CHRM3: variants seen among roughly 807,000 people sequenced by gnomAD.
The protein encoded by CHRM3 is muscarinic acetylcholine receptor M3.
A neutral mutation model predicts 41.8 loss-of-function variants in CHRM3; 11 were observed. The ratio of observed to expected loss-of-function variants is 0.26; its 90% CI spans 0.17 to 0.44. CHRM3 has a LOEUF of 0.44. CHRM3 is among the 20% of genes least tolerant of loss of function. The probability of loss-of-function intolerance (pLI) is 1.00; values close to 1 mark genes in which losing one functional copy is unlikely to be tolerated. For synonymous variants in CHRM3, 297 were observed against 301.4 expected (o/e 0.99, Z 0.15); for missense variants, 571 against 745.4 (o/e 0.77, Z 2.72).
intron 5 of CHRM3, among the ~76,000 whole-genome samples, chr1:239,690,674 A>T (rs2147980737): frequency 6.6e-6 from 1 of 152,234 alleles, no homozygotes; most frequent in African/African-American, 2.4e-5. Context: ...ATTTGTCAAA[A>T]TTTACCCCTT....
intron 3 of CHRM3, among the ~76,000 whole-genome samples, chr1:239,567,815 G>C (rs1027636545): frequency 1.3e-5 from 2 of 152,168 alleles, no homozygotes; most frequent in Non-Finnish European, 2.9e-5. Context: ...TGAAGACTGA[G>C]ACCTGGCTTT....
intron 5 of CHRM3, among the ~76,000 whole-genome samples, chr1:239,762,669 T>C (rs1457230449): frequency 2.0e-5 from 3 of 152,202 alleles, no homozygotes; most frequent in Non-Finnish European, 4.4e-5. Flanking sequence ...TCATTAAATT[T>C]GTAGATGATA....
chr1:239,477,430 G>T (rs1199861370), intron 1 of CHRM3, among the ~76,000 whole-genome samples: 3 of 152,152 alleles, frequency 2.0e-5, no homozygotes, highest in Non-Finnish European at 2.9e-5. Context: ...TTCAAGACCT[G>T]GCAAAGCAAA....
chr1:239,789,899 T>C (rs894329746), intron 5 of CHRM3, among the ~76,000 whole-genome samples: 1 of 152,144 alleles, frequency 6.6e-6, no homozygotes, highest in African/African-American at 2.4e-5. Context: ...TTTTGAAGAA[T>C]AGTTAAGATC....
At chr1:239,569,392 T>C (rs1661634440) in intron 3 of CHRM3, among the ~76,000 whole-genome samples, 1 of 152,200 alleles carries the variant, frequency 6.6e-6, no homozygotes, top group African/African-American at 2.4e-5. Context: ...CAACTCATCA[T>C]ATAATGACTC....
rs911736644 is a variant in CHRM3 at position 239,864,149 on chromosome 1, G to A, written c.-20+36771G>A. Among the ~76,000 whole-genome samples, 3 of 152,020 alleles carry A rather than the reference G, an allele frequency of 2.0e-5. No individual in the cohort carries two copies. In the South Asian group the frequency reaches 6.2e-4, roughly 32 times the overall value. On this transcript the variant is annotated intron_variant, in intron 6 of 6. Coordinates refer to ENST00000676153, the MANE Select transcript of CHRM3 (RefSeq NM_001375978.1). ...CATCCCAGCTACTTAGGAGGCCGAG[G>A]AAAGAGGCTAGTCCAGGAGGCAACA...
chr1:239,772,482 A>G (rs2148736418), intron 5 of CHRM3, among the ~76,000 whole-genome samples: 1 of 152,202 alleles, frequency 6.6e-6, no homozygotes, highest in Non-Finnish European at 1.5e-5. Flanking sequence ...TTTTTACATG[A>G]TTGTGTATTA....
intron 5 of CHRM3, among the ~76,000 whole-genome samples, chr1:239,803,315 C>A (rs1369940533): frequency 6.6e-6 from 1 of 152,126 alleles, no homozygotes; most frequent in African/African-American, 2.4e-5. Context: ...TTCCTTAGAG[C>A]ACATTCTACA....
chr1:239,761,818 A>C (rs1416275647), intron 5 of CHRM3, among the ~76,000 whole-genome samples: 7 of 152,182 alleles, frequency 4.6e-5, no homozygotes, highest in Non-Finnish European at 1.0e-4. Flanking sequence ...TGCACCGGAC[A>C]GATGTCTGGA....
At chr1:239,604,042 G>A (rs1665935198) in intron 3 of CHRM3, among the ~76,000 whole-genome samples, 1 of 152,088 alleles carries the variant, frequency 6.6e-6, no homozygotes, top group Admixed American at 6.5e-5. Flanking sequence ...TTCATAAAAT[G>A]TGTATTTACA....
chr1:239,471,164 A>G (rs1666093864), intron 1 of CHRM3, among the ~76,000 whole-genome samples: 2 of 152,218 alleles, frequency 1.3e-5, no homozygotes, highest in Admixed American at 1.3e-4. Context: ...ATGAATCACT[A>G]ATTTTCTTTT....
chr1:239,682,029 G>A (rs903097805), intron 5 of CHRM3, among the ~76,000 whole-genome samples: 2 of 152,152 alleles, frequency 1.3e-5, no homozygotes, highest in Admixed American at 1.3e-4. Context: ...GCCCGTGCAG[G>A]GCTGTTCTGT....
chr1:239,605,529 G>A (rs1228778812), intron 3 of CHRM3, among the ~76,000 whole-genome samples: 1 of 152,084 alleles, frequency 6.6e-6, no homozygotes, highest in African/African-American at 2.4e-5. Flanking sequence ...AAGCATGACT[G>A]TACAGAAATG....
At chr1:239,617,981 C>T (rs1054006643) in intron 3 of CHRM3, among the ~76,000 whole-genome samples, 3 of 152,084 alleles carry the variant, frequency 2.0e-5, no homozygotes, top group Admixed American at 2.0e-4. Context: ...TCCTGCTCAT[C>T]CTGTATCTTA....
At position 239,914,428 on chromosome 1, in the gene CHRM3, T is replaced by C. The variant is rs1262628517; in HGVS notation, c.*5204T>C. On this transcript the variant is annotated 3_prime_UTR_variant, in exon 7 of 7. Coordinates refer to ENST00000676153, the MANE Select transcript of CHRM3 (RefSeq NM_001375978.1). ...CTACTGTAGTCAGGAGTTATTTGGC[T>C]GGGAAGTGGAAAGTGTTCACAAACA... The C allele has an allele frequency of 1.2e-5, 2 of 167,090 alleles. No homozygotes were observed. Among genetic ancestry groups the C allele is most frequent in the Non-Finnish European group, 2.9e-5 (2 of 68,124 alleles). 10.4% of individuals were successfully genotyped at this position (167,090 alleles called of 1,614,324 possible). A position where few individuals can be genotyped will look rare whatever the true frequency, so the allele number is the denominator to read the frequency against.
intron 5 of CHRM3, among the ~76,000 whole-genome samples, chr1:239,719,311 A>G (rs1479109929): frequency 2.0e-5 from 3 of 151,964 alleles, no homozygotes; most frequent in Non-Finnish European, 2.9e-5. Context: ...GTCCACTTTA[A>G]ACAGTAGCTT....
At chr1:239,536,495 A>C (rs1572637361) in intron 2 of CHRM3, among the ~76,000 whole-genome samples, 1 of 152,350 alleles carries the variant, frequency 6.6e-6, no homozygotes, top group African/African-American at 2.4e-5. Flanking sequence ...ATGTGTAAAT[A>C]TTGTAATTCC....
At chr1:239,575,362 G>T (rs1299458332) in intron 3 of CHRM3, among the ~76,000 whole-genome samples, 1 of 152,146 alleles carries the variant, frequency 6.6e-6, no homozygotes, top group East Asian at 1.9e-4. Context: ...GCTGACTAAA[G>T]CCATTAGTCT....
intron 5 of CHRM3, among the ~76,000 whole-genome samples, chr1:239,768,116 A>G (rs1392926580): frequency 6.6e-6 from 1 of 152,214 alleles, no homozygotes; most frequent in East Asian, 1.9e-4. Flanking sequence ...CAGGCTTGAA[A>G]TGATCTCTTC....
Sources: allele counts gnomAD v4.1 joint callset (sites outside exome capture counted in the v4.1 genomes callset), GRCh38; gene constraint gnomAD v4.1.1; transcripts MANE v1.5; gene names NCBI Gene and HGNC (gene_info 2026-07-23, HGNC 2026-07-21).